Variants in INVS observed in about 807,000 individuals in gnomAD.
The protein encoded by INVS is inversion of embryo turning homolog.
Under a neutral mutation model 108.8 loss-of-function variants are expected in INVS, and 86 were observed. The ratio of observed to expected loss-of-function variants is 0.79; its 90% confidence interval spans 0.66 to 0.95. The LOEUF (loss-of-function observed/expected upper bound fraction) is 0.95. Among genes scored for constraint, INVS ranks in the 40% least tolerant of loss-of-function variants. The pLI, the probability that INVS is intolerant of heterozygous loss-of-function variation, is 0.00. For missense variants in INVS, 1,169 were observed against 1,297.4 expected, an observed-to-expected ratio of 0.90 and a Z score of 1.52; for synonymous variants, 455 against 473.5, an observed-to-expected ratio of 0.96 and a Z score of 0.51.
chr9:100,138,112 A>G (rs577351406), intron 3 of INVS, among the ~76,000 whole-genome samples: 2 of 152,312 alleles, frequency 1.3e-5, no homozygotes, highest in East Asian at 1.9e-4. Context: ...TTTAAAATAT[A>G]TGTAACTCCT....
chr9:100,296,546 C>T (rs2118780056), intron 14 of INVS, among the ~76,000 whole-genome samples: 1 of 152,130 alleles, frequency 6.6e-6, no homozygotes, highest in Non-Finnish European at 1.5e-5. Context: ...TTTTAAAATC[C>T]AGCACAAATA....
chr9:100,168,709 G>A (rs980211546), intron 3 of INVS, among the ~76,000 whole-genome samples: 2 of 152,206 alleles, frequency 1.3e-5, no homozygotes, highest in African/African-American at 4.8e-5. Context: ...TTTCAGAACT[G>A]AGGAGAAAGG....
intron 6 of INVS, among the ~76,000 whole-genome samples, chr9:100,241,985 A>G (rs1246231653): frequency 6.6e-6 from 1 of 152,206 alleles, no homozygotes; most frequent in Non-Finnish European, 1.5e-5. Context: ...CATTGTCTTC[A>G]TCGCTGCCTT....
chr9:100,112,566 G>C (rs911674502), intron 2 of INVS, among the ~76,000 whole-genome samples: 7 of 151,838 alleles, frequency 4.6e-5, no homozygotes, highest in African/African-American at 1.7e-4. Flanking sequence ...TAATCAATTA[G>C]GACAGGGGTG....
intron 2 of INVS, among the ~76,000 whole-genome samples, chr9:100,119,684 A>G (rs1298769525): frequency 6.6e-6 from 1 of 152,140 alleles, no homozygotes; most frequent in East Asian, 1.9e-4. Flanking sequence ...CAGGCTCCCG[A>G]GTAGCTGGGA....
intron 2 of INVS, among the ~76,000 whole-genome samples, chr9:100,116,319 G>C (rs1827525691): frequency 6.6e-6 from 1 of 151,850 alleles, no homozygotes; most frequent in Admixed American, 6.6e-5. Context: ...ATGTTGCCTA[G>C]GCTGGTCTCA....
Position 100,104,622 on chromosome 9 carries a change from T to C in INVS, c.101T>C (p.Ile34Thr), listed in dbSNP as rs1827112994. 1.9e-6 allele frequency: 3 copies of C among 1,609,794 alleles called. No homozygotes were observed. Among genetic ancestry groups the C allele is most frequent in the Non-Finnish European group, 2.6e-6 (3 of 1,175,982 alleles). The change falls in exon 2 of 17, where the codon ATC becomes ACC. Residue 34 changes from isoleucine (I) to threonine (T), a missense_variant. By Grantham distance (89) the Ile-to-Thr change is moderately conservative. Around this residue, in one of 3 missense-constraint regions of INVS, gnomAD observed 365 missense variants for 397.5 expected, o/e 0.92. Transcript: ENST00000262457. ...GATAAGGGTGCTCTACAGAGGCTCA[T>C]CGTAGGTAAGCAGTCCCCTTAAGTA... is the stretch of plus-strand genomic sequence containing the variant. ...NGDKGALQRL[I>T]VGNSALKDKE... is the part of the protein sequence containing the mutation.
intron 12 of INVS, among the ~76,000 whole-genome samples, chr9:100,273,901 T>C (rs1833038779): frequency 6.6e-6 from 1 of 152,126 alleles, no homozygotes; most frequent in Non-Finnish European, 1.5e-5. Flanking sequence ...AAATATTGAT[T>C]GAATTCTTAC....
In INVS at chr9:100,261,807, A is replaced by G. The variant is rs189986707; in HGVS notation, c.1465-3015A>G. 4.7e-4 allele frequency among the ~76,000 whole-genome samples: 71 copies of G among 152,270 alleles called. No individual in the cohort carries two copies. The East Asian group carries it at 8.9e-3, about 19-fold the overall frequency. On this transcript the variant is annotated intron_variant, in intron 10 of 16. Transcript: ENST00000262457. ...ATATTGAATTGGAACCTTCAATACA[A>G]TCTTGAATAGAATTGGTGATAATTG...
At chr9:100,282,951 C>T (rs183843874) in intron 12 of INVS, among the ~76,000 whole-genome samples, 10 of 152,246 alleles carry the variant, frequency 6.6e-5, no homozygotes, top group East Asian at 5.8e-4. Flanking sequence ...TAGCCTAAGT[C>T]GGAATCCATA....
At position 100,252,891 on chromosome 9, in the gene INVS, A is replaced by G. The variant is rs1197171090; in HGVS notation, c.1235-16A>G. Reference sequence around the variant, plus strand: ...TATTTATATTAGACATTCTCATTATATTTGTGCTTTTCCAGGTGGAGCAAG... The same window carrying G: ...TATTTATATTAGACATTCTCATTATGTTTGTGCTTTTCCAGGTGGAGCAAG... On this transcript the variant is annotated splice_polypyrimidine_tract_variant and intron_variant, in intron 9 of 16. Transcript: ENST00000262457. 1 of 1,567,518 alleles carries G rather than the reference A, an allele frequency of 6.4e-7. No individual in the cohort carries two copies. The highest frequency in any genetic ancestry group is 2.2e-5 in the East Asian group (1 of 44,534).
Position 100,284,569 on chromosome 9 carries a change from A to C in INVS, c.2034A>C (p.Ser678=). 1 of 1,613,808 alleles carries C rather than the reference A, an allele frequency of 6.2e-7. No individual in the cohort carries two copies. Among genetic ancestry groups the C allele is most frequent in the Non-Finnish European group, 8.5e-7 (1 of 1,179,782 alleles). ...GALQKEQHVS[S]DLQGTNSRRP... is the part of the protein sequence containing the mutation. ...TCCAGAAGGAGCAGCATGTTTCCTC[A>C]GATTTGCAGGGAACAAACTCCAGAA... Residue 678 remains serine (S), a synonymous_variant, in exon 13 of 17, where the codon TCA becomes TCC. Transcript: ENST00000262457.
chr9:100,117,741 T>A, intron 2 of INVS: 1 of 547,268 alleles, frequency 1.8e-6, no homozygotes, highest in Non-Finnish European at 3.2e-6. Flanking sequence ...GGTGCTATTA[T>A]GGACTGAATA....
chr9:100,139,428 A>G (rs544588317), intron 3 of INVS, among the ~76,000 whole-genome samples: 3 of 152,148 alleles, frequency 2.0e-5, no homozygotes, highest in South Asian at 2.1e-4. Flanking sequence ...AGTTTCGGCT[A>G]TTTTCCCTCA....
intron 8 of INVS, among the ~76,000 whole-genome samples, chr9:100,250,000 G>A (rs1306520557): frequency 2.6e-5 from 4 of 151,732 alleles, no homozygotes; most frequent in African/African-American, 9.7e-5. Context: ...AGCTATTTGG[G>A]AGGCTGAGGC....
At chr9:100,111,831 C>T (rs1171128130) in intron 2 of INVS, among the ~76,000 whole-genome samples, 1 of 152,118 alleles carries the variant, frequency 6.6e-6, no homozygotes, top group East Asian at 1.9e-4. Context: ...ACAGACCTCG[C>T]TCAGTTACTG....
chr9:100,266,292 G>A (rs1018770220), intron 11 of INVS, among the ~76,000 whole-genome samples: 3 of 152,174 alleles, frequency 2.0e-5, no homozygotes, highest in Non-Finnish European at 4.4e-5. Context: ...GACTTTTGCA[G>A]TGCAAAGTGA....
At chr9:100,150,839 T>G (rs889277596) in intron 3 of INVS, among the ~76,000 whole-genome samples, 4 of 152,150 alleles carry the variant, frequency 2.6e-5, no homozygotes, top group Non-Finnish European at 5.9e-5. Flanking sequence ...CCTTTAGCTG[T>G]TAAGCTTTCA....
intron 3 of INVS, chr9:100,215,119 G>C (rs958980671): frequency 2.6e-5 from 4 of 152,182 alleles, no homozygotes; most frequent in Admixed American, 6.5e-5. Flanking sequence ...GAATGACTCA[G>C]TGAGCAGGGC....
Sources: allele counts gnomAD v4.1 joint callset (sites outside exome capture counted in the v4.1 genomes callset), GRCh38; gene constraint gnomAD v4.1.1; regional missense constraint gnomAD v4.1.1; transcripts MANE v1.5; gene names NCBI Gene and HGNC (gene_info 2026-07-23, HGNC 2026-07-21).